Variants in UNC5C observed in about 807,000 individuals in gnomAD.
UNC5C encodes the protein netrin receptor UNC5C.
Under a neutral mutation model 99.8 loss-of-function variants are expected in UNC5C, and 47 were observed. The observed-to-expected ratio is 0.47, with a 90% confidence interval of 0.37 to 0.60. The LOEUF is 0.60. UNC5C is among the 20% of genes least tolerant of loss of function. The probability of loss-of-function intolerance (pLI) is 0.00; values close to 1 mark genes in which losing one functional copy is unlikely to be tolerated. For missense variants in UNC5C, 1,062 were observed against 1,165.9 expected (o/e 0.91, Z 1.30); for synonymous variants, 487 against 452.2 (o/e 1.08, Z -0.98).
chr4:95,257,231 C>T (rs1420421363), intron 4 of UNC5C, among the ~76,000 whole-genome samples: 1 of 152,132 alleles, frequency 6.6e-6, no homozygotes, highest in Non-Finnish European at 1.5e-5. Context: ...AGTGAGACCA[C>T]ACCTCTATAA....
intron 9 of UNC5C, among the ~76,000 whole-genome samples, chr4:95,216,885 C>A (rs1738271858): frequency 6.6e-6 from 1 of 152,198 alleles, no homozygotes; most frequent in Non-Finnish European, 1.5e-5. Flanking sequence ...TGTTAAACCA[C>A]AGATTACTGG....
At chr4:95,394,465 G>C (rs1745452169) in intron 1 of UNC5C, among the ~76,000 whole-genome samples, 1 of 152,140 alleles carries the variant, frequency 6.6e-6, no homozygotes, top group Admixed American at 6.5e-5. Flanking sequence ...ACTAAACAGA[G>C]TTCACTTTAC....
At chr4:95,206,882 A>T in intron 10 of UNC5C, 86 bp from the exon 11 acceptor site, 1 of 1,064,816 alleles carries the variant, frequency 9.4e-7, no homozygotes, top group Non-Finnish European at 1.3e-6. Flanking sequence ...AAACAGGTCA[A>T]GTAGTTTTCT....
chr4:95,433,840 C>T (rs188856150), intron 1 of UNC5C, among the ~76,000 whole-genome samples: 1 of 152,098 alleles, frequency 6.6e-6, no homozygotes, highest in African/African-American at 2.4e-5. Context: ...GCCAGCCCAG[C>T]ATGCCTACCC....
intron 2 of UNC5C, among the ~76,000 whole-genome samples, chr4:95,324,476 T>A (rs1742814447): frequency 6.6e-6 from 1 of 152,274 alleles, no homozygotes; most frequent in Admixed American, 6.5e-5. Flanking sequence ...ATAAATGTAA[T>A]GTACTTGAAT....
At chr4:95,218,431 A>G (rs986798402) in intron 9 of UNC5C, among the ~76,000 whole-genome samples, 1 of 152,208 alleles carries the variant, frequency 6.6e-6, no homozygotes, top group African/African-American at 2.4e-5. Flanking sequence ...CTGGATACAA[A>G]TATCAGAGGT....
intron 1 of UNC5C, among the ~76,000 whole-genome samples, chr4:95,491,276 T>C (rs920953858): frequency 6.6e-6 from 1 of 151,600 alleles, no homozygotes; most frequent in African/African-American, 2.4e-5. Flanking sequence ...TAGTGCTGTA[T>C]TGCTATTTTA....
At chr4:95,420,198 C>T (rs1332370984) in intron 1 of UNC5C, among the ~76,000 whole-genome samples, 1 of 152,016 alleles carries the variant, frequency 6.6e-6, no homozygotes, top group African/African-American at 2.4e-5. Flanking sequence ...CCACCTATTC[C>T]CTCCAAAATA....
intron 1 of UNC5C, among the ~76,000 whole-genome samples, chr4:95,427,997 A>G (rs1199565968): frequency 6.6e-6 from 1 of 151,626 alleles, no homozygotes; most frequent in East Asian, 1.9e-4. Context: ...CATGACTACC[A>G]TTTCTCTTCC....
At chr4:95,278,943 T>C (rs1740957210) in intron 3 of UNC5C, among the ~76,000 whole-genome samples, 1 of 152,226 alleles carries the variant, frequency 6.6e-6, no homozygotes, top group South Asian at 2.1e-4. Flanking sequence ...AGTTCATTAA[T>C]TGCTTTTTGT....
chr4:95,239,315 T>C (rs2149377018), intron 7 of UNC5C, among the ~76,000 whole-genome samples: 1 of 152,348 alleles, frequency 6.6e-6, no homozygotes, highest in Non-Finnish European at 1.5e-5. Context: ...GGGTTTTATT[T>C]AAATGAAGTC....
intron 4 of UNC5C, among the ~76,000 whole-genome samples, chr4:95,261,601 T>G (rs1740230752): frequency 6.6e-6 from 1 of 152,152 alleles, no homozygotes; most frequent in Non-Finnish European, 1.5e-5. Context: ...GATTTCAAGA[T>G]AGGGCTGGAT....
intron 1 of UNC5C, among the ~76,000 whole-genome samples, chr4:95,457,137 TATA>T (rs1449979837): frequency 6.6e-6 from 1 of 152,152 alleles, no homozygotes; most frequent in African/African-American, 2.4e-5. Flanking sequence ...TTTATGTCAA[TATA>T]ATATGTTATT....
intron 1 of UNC5C, among the ~76,000 whole-genome samples, chr4:95,508,686 C>T (rs144613595): frequency 5.9e-5 from 9 of 151,946 alleles, no homozygotes; most frequent in Non-Finnish European, 1.2e-4. Context: ...AAGGAAAAAA[C>T]CAGATCAGCA....
intron 10 of UNC5C, 47 bp from the exon 11 acceptor site, chr4:95,206,843 C>A: frequency 6.9e-7 from 1 of 1,445,162 alleles, no homozygotes; most frequent in Non-Finnish European, 9.2e-7. Context: ...CCATTGTATT[C>A]ATGAACTATG....
chr4:95,415,747 G>A (rs1746144121), intron 1 of UNC5C, among the ~76,000 whole-genome samples: 1 of 152,022 alleles, frequency 6.6e-6, no homozygotes. Flanking sequence ...ACTCATCCAT[G>A]ATGAGTAAAT....
chr4:95,245,836 C>T (rs1265929618), intron 5 of UNC5C, among the ~76,000 whole-genome samples: 2 of 152,220 alleles, frequency 1.3e-5, no homozygotes, highest in Non-Finnish European at 1.5e-5. Flanking sequence ...TTCAGTTCTG[C>T]AGACCTCTCT....
At chr4:95,179,320 G>T (rs1008284920) in intron 14 of UNC5C, among the ~76,000 whole-genome samples, 1 of 152,200 alleles carries the variant, frequency 6.6e-6, no homozygotes, top group Non-Finnish European at 1.5e-5. Context: ...ATATTACTTT[G>T]TACATTTATT....
chr4:95,397,276 C>G lies in UNC5C; in HGVS notation c.125-61645G>C, dbSNP rs969574374. On this transcript the variant is annotated intron_variant, in intron 1 of 15. Coordinates refer to ENST00000453304, the MANE Select transcript of UNC5C (RefSeq NM_003728.4). The stretch of plus-strand genomic sequence containing the variant: ...AGTGCTTTACACAAAACAAAAATGT[C>G]TAACAAACTCCAAGGTTAATAAACT... Among the ~76,000 whole-genome samples the G allele has an allele frequency of 3.0e-4, 46 of 152,228 alleles. 1 individual carries two copies. The highest frequency in any genetic ancestry group is 2.1e-4 in the South Asian group (1 of 4,836).
Sources: allele counts gnomAD v4.1 joint callset (sites outside exome capture counted in the v4.1 genomes callset), GRCh38; gene constraint gnomAD v4.1.1; transcripts MANE v1.5; gene names NCBI Gene and HGNC (gene_info 2026-07-23, HGNC 2026-07-21).